Variants in LRRC34 observed in about 807,000 individuals in gnomAD.
LRRC34 encodes leucine-rich repeat-containing protein 34.
Under a neutral mutation model 48.5 loss-of-function variants are expected in LRRC34, and 44 were observed. That is an observed-to-expected ratio of 0.91 (90% CI 0.71 to 1.17). The LOEUF is 1.17. LRRC34 is among the 50% of genes most tolerant of loss of function. The pLI, the probability that LRRC34 is intolerant of heterozygous loss-of-function variation, is 0.00. For synonymous variants in LRRC34, 192 were observed against 197.6 expected, an observed-to-expected ratio of 0.97 and a Z score of 0.24; for missense variants, 502 against 563.0, an observed-to-expected ratio of 0.89 and a Z score of 1.10.
rs1438279227 is a variant in LRRC34, at chr3:169,795,587, T to C, written c.1089A>G (p.Ile363Met). ...LKALSVVSNN[I>M]EGEGLVALSQ... ...AAAGTGCAACAAGTCCTTCTCCCTC[T>C]ATGTTGTTGCTGACTACTGACAACC... Residue 363 changes from isoleucine to methionine, a missense_variant, in exon 10 of 11, where the codon ATA becomes ATG. Coordinates refer to ENST00000446859, the MANE Select transcript of LRRC34 (RefSeq NM_001172779.2). 6.2e-7 allele frequency: 1 copy of C among 1,612,160 alleles called. No homozygotes were observed. The highest frequency in any genetic ancestry group is 1.3e-5 in the African/African-American group (1 of 74,886).
intron 1 of LRRC34, among the ~76,000 whole-genome samples, chr3:169,810,609 A>C (rs1427893933): frequency 6.6e-6 from 1 of 152,242 alleles, no homozygotes; most frequent in African/African-American, 2.4e-5. Context: ...TGCATGTTCT[A>C]CAGGATGATC....
intron 1 of LRRC34, 124 bp from the exon 2 acceptor site, chr3:169,808,869 G>A: frequency 1.2e-5 from 7 of 582,110 alleles, no homozygotes; most frequent in South Asian, 4.1e-5. Flanking sequence ...GGGAAGAAAA[G>A]GAAACAGAAT....
intron 6 of LRRC34, 70 bp downstream of exon 6, chr3:169,803,983 T>C: frequency 7.2e-7 from 1 of 1,390,030 alleles, no homozygotes. Context: ...TAATCATTCA[T>C]AAGACTCTGA....
chr3:169,811,836 GTAT>G (rs1478746735), intron 1 of LRRC34, among the ~76,000 whole-genome samples: 5 of 152,168 alleles, frequency 3.3e-5, no homozygotes, highest in Admixed American at 1.3e-4. Context: ...CCTGGATGCA[GTAT>G]TATTAAGCCA....
chr3:169,793,762 C>T lies in LRRC34; in HGVS notation c.1268G>A (p.Arg423His), dbSNP rs371080998. The T allele has an allele frequency of 1.9e-5, 30 of 1,613,496 alleles. No homozygotes were observed. Among genetic ancestry groups the T allele is most frequent in the Middle Eastern group, 1.6e-4 (1 of 6,080 alleles). Reference protein sequence around the residue: ...TDVEPFVVDGRVYLAEVSNGL... With the variant: ...TDVEPFVVDGHVYLAEVSNGL... Reference sequence around the variant, plus strand: ...ATTGGAGACTTCTGCAAGATATACACGTCCATCTACCACAAATGGCTCCAC... The same window carrying T: ...ATTGGAGACTTCTGCAAGATATACATGTCCATCTACCACAAATGGCTCCAC... Residue 423 changes from arginine (R) to histidine (H), a missense_variant, in exon 11 of 11, where the codon CGT (arginine) becomes CAT (histidine). Transcript: ENST00000446859.
intron 10 of LRRC34, chr3:169,794,304 T>A: frequency 6.4e-6 from 1 of 156,844 alleles, no homozygotes; most frequent in Non-Finnish European, 1.4e-5. Context: ...CATACAATTA[T>A]ATAGAGTTCA....
At position 169,793,109 on chromosome 3, in the gene LRRC34, G is replaced by A. The variant is rs572376604; in HGVS notation, c.*526C>T. Among the ~76,000 whole-genome samples, 1 of 152,146 alleles carries A rather than the reference G, an allele frequency of 6.6e-6. No individual in the cohort carries two copies. The highest frequency in any genetic ancestry group is 2.4e-5 in the African/African-American group (1 of 41,432). ...GTTATGAGAGGAGAGTGGGAGAGCT[G>A]GCAGCACTGGCTTGTTGGGAAAGGG... On this transcript the variant is annotated 3_prime_UTR_variant, in exon 11 of 11. Transcript: ENST00000446859.
intron 6 of LRRC34, 50 bp downstream of exon 6, chr3:169,804,003 T>C: frequency 6.8e-7 from 1 of 1,467,872 alleles, no homozygotes; most frequent in Non-Finnish European, 9.1e-7. Flanking sequence ...ATTTAGCTGT[T>C]CTCTAATGAC....
chr3:169,802,090 C>T (rs2108233712), intron 6 of LRRC34, among the ~76,000 whole-genome samples: 1 of 152,338 alleles, frequency 6.6e-6, no homozygotes, highest in Admixed American at 6.5e-5. Context: ...GCGTGAGCCA[C>T]CACGCCCAAA....
In LRRC34 at chr3:169,812,643, G is replaced by GC; in HGVS notation, c.-96dup. 1 of 1,394,648 alleles carries GC rather than the reference G, an allele frequency of 7.2e-7. No homozygotes were observed. The highest frequency in any genetic ancestry group is 3.2e-5 in the Admixed American group (1 of 30,924). The allele number at this position is 1,394,648 out of a possible 1,614,324, so 86.4% of individuals were successfully genotyped here. On this transcript the variant is annotated 5_prime_UTR_variant, in exon 1 of 11. Transcript: ENST00000446859. This position sits in a 1 kb window ranked among gnomAD's most constrained non-coding sequence, Gnocchi z 4.3. ...GCTTCGAGTCCCGCTGGCTGTGCCT[G>GC]CCCGGGCCCTGAGGCCTCACTGCTA...
At chr3:169,795,356 CTTATG>C (rs1778949479) in intron 10 of LRRC34, 124 bp downstream of exon 10, 1 of 936,868 alleles carries the variant, frequency 1.1e-6, no homozygotes, top group South Asian at 2.4e-5. Context: ...AATTTTAAGA[CTTATG>C]TTAATTATCA....
intron 4 of LRRC34, 77 bp downstream of exon 4, chr3:169,807,349 G>C: frequency 7.7e-7 from 1 of 1,297,144 alleles, no homozygotes; most frequent in Non-Finnish European, 1.1e-6. Context: ...GGTAAAACTA[G>C]TGTTTTATGT....
intron 5 of LRRC34, among the ~76,000 whole-genome samples, chr3:169,804,786 T>C (rs1354815314): frequency 6.6e-6 from 1 of 152,230 alleles, no homozygotes; most frequent in African/African-American, 2.4e-5. Context: ...CACTTCACTT[T>C]TTTAAATTGA....
At chr3:169,800,571 T>C in intron 7 of LRRC34, 88 bp downstream of exon 7, 2 of 679,470 alleles carry the variant, frequency 2.9e-6, no homozygotes, top group Non-Finnish European at 4.8e-6. Context: ...AAAAATACAG[T>C]GTATTCATGT....
In LRRC34 at chr3:169,796,264, G is replaced by A. The variant is rs756202632; in HGVS notation, c.1014C>T (p.Gly338=). Residue 338 remains glycine, a synonymous_variant, in exon 9 of 11, where the codon GGC becomes GGT. Transcript: ENST00000446859. ...TAAGAGTTTCACTGAGATAGTTTGC[G>A]CCTGCATTTTCTATTCTGTTAAAGG... ...DLSFNRIENA[G]ANYLSETLTS... 54 of 1,612,126 alleles carry A rather than the reference G, an allele frequency of 3.3e-5. No individual in the cohort carries two copies. The African/African-American group carries it at 4.0e-4, about 12-fold the overall frequency.
chr3:169,808,901 G>T (rs185614740), intron 1 of LRRC34, among the ~76,000 whole-genome samples, 156 bp from the exon 2 acceptor site: 11 of 152,220 alleles, frequency 7.2e-5, no homozygotes, highest in Non-Finnish European at 1.5e-5. Flanking sequence ...AAAGAGAAGA[G>T]AAATAAAAAT....
chr3:169,807,107 A>G (rs1222191668), intron 4 of LRRC34, among the ~76,000 whole-genome samples, 176 bp from the exon 5 acceptor site: 2 of 152,220 alleles, frequency 1.3e-5, no homozygotes, highest in Non-Finnish European at 2.9e-5. Flanking sequence ...TACATTAAGG[A>G]AAAAAATCAT....
At chr3:169,804,288 G>T in intron 5 of LRRC34, 107 bp from the exon 6 acceptor site, 1 of 876,202 alleles carries the variant, frequency 1.1e-6, no homozygotes, top group Non-Finnish European at 1.6e-6. Flanking sequence ...TTTTCATGGA[G>T]CTAGAACACG....
At chr3:169,803,721 T>C (rs999458279) in intron 6 of LRRC34, among the ~76,000 whole-genome samples, 2 of 152,204 alleles carry the variant, frequency 1.3e-5, no homozygotes, top group Non-Finnish European at 2.9e-5. Context: ...CGTGAGCCAC[T>C]GCAGCCTAAA....
Sources: allele counts gnomAD v4.1 joint callset (sites outside exome capture counted in the v4.1 genomes callset), GRCh38; gene constraint gnomAD v4.1.1; non-coding constraint Gnocchi (gnomAD v3.1); transcripts MANE v1.5; gene names NCBI Gene and HGNC (gene_info 2026-07-23, HGNC 2026-07-21).